WNT10B: variants seen among roughly 807,000 people sequenced by gnomAD.
WNT10B encodes the protein protein Wnt-10b.
Under a neutral mutation model 32.7 loss-of-function variants are expected in WNT10B, and 26 were observed. That is an observed-to-expected ratio of 0.79 (90% CI 0.58 to 1.10). WNT10B has a LOEUF of 1.10. Ranked by LOEUF, WNT10B falls within the 50% of genes least tolerant of loss-of-function variation. The probability of loss-of-function intolerance (pLI) is 0.00; values close to 1 mark genes in which losing one functional copy is unlikely to be tolerated. For synonymous variants in WNT10B, 204 were observed against 220.4 expected (o/e 0.93, Z 0.66); for missense variants, 474 against 532.5 (o/e 0.89, Z 1.08).
chr12:48,970,128 C>A lies in WNT10B; in HGVS notation c.298G>T (p.Gly100Cys). 6.5e-7 allele frequency: 1 copy of A among 1,530,348 alleles called. No individual in the cohort carries two copies. Among genetic ancestry groups the A allele is most frequent in the Non-Finnish European group, 8.8e-7 (1 of 1,141,748 alleles). 94.8% of individuals were successfully genotyped at this position (1,530,348 alleles called of 1,614,324 possible). Reference sequence around the variant, plus strand: ...GCGCTGTGGTGCGGCAGGCGGCCGCCGCCCTCAAGCGCGGAGCAGTTCCAG... The same window carrying A: ...GCGCTGTGGTGCGGCAGGCGGCCGCAGCCCTCAAGCGCGGAGCAGTTCCAG... ...QRWNCSALEGGGRLPHHSAIL... is the reference protein window; with the variant it reads ...QRWNCSALEGCGRLPHHSAIL... Residue 100 changes from glycine to cysteine, a missense_variant, in exon 3 of 5, where the codon GGC (glycine) becomes TGC (cysteine). By Grantham distance (159) the Gly-to-Cys change is radical (BLOSUM62 -3). Coordinates refer to ENST00000301061, the MANE Select transcript of WNT10B (RefSeq NM_003394.4). The surrounding 1 kb of genome is among the most constrained non-coding windows in gnomAD (Gnocchi z 5.0).
intron 1 of WNT10B, 88 bp downstream of exon 1, chr12:48,971,367 G>GTGTC (rs1043077947): frequency 6.6e-5 from 10 of 152,500 alleles, no homozygotes; most frequent in Admixed American, 2.0e-4. Flanking sequence ...GGGTGGATGC[G>GTGTC]TGTCTGTCTG....
intron 4 of WNT10B, among the ~76,000 whole-genome samples, chr12:48,967,376 G>A (rs2137612073): frequency 6.6e-6 from 1 of 152,182 alleles, no homozygotes; most frequent in East Asian, 1.9e-4. Flanking sequence ...ACGTTAGCCA[G>A]GATGGTCTCG....
At chr12:48,968,414 G>C in intron 3 of WNT10B, 95 bp from the exon 4 acceptor site, 1 of 1,552,562 alleles carries the variant, frequency 6.4e-7, no homozygotes, top group East Asian at 2.4e-5. Flanking sequence ...TCCAACTCCA[G>C]AAATTCCTAA....
chr12:48,967,881 T>C (rs1940766908), intron 4 of WNT10B, 65 bp downstream of exon 4: 1 of 1,594,272 alleles, frequency 6.3e-7, no homozygotes, highest in Admixed American at 1.8e-5. Context: ...CATTTCCCTA[T>C]GCCTCTCAAA....
Position 48,970,649 on chromosome 12 carries a change from C to T in WNT10B, c.-40-80G>A, listed in dbSNP as rs1307711771. The T allele has an allele frequency of 2.6e-5, 30 of 1,137,198 alleles. No individual in the cohort carries two copies. Among genetic ancestry groups the T allele is most frequent in the Non-Finnish European group, 3.7e-5 (29 of 781,434 alleles). 70.4% of individuals were successfully genotyped at this position (1,137,198 alleles called of 1,614,324 possible). On this transcript the variant is annotated intron_variant, in intron 1 of 4. Coordinates refer to ENST00000301061, the MANE Select transcript of WNT10B (RefSeq NM_003394.4). The surrounding 1 kb of genome is among the most constrained non-coding windows in gnomAD (Gnocchi z 5.0). ...ACCAAGTGACGCCCTTCTTCGGGCT[C>T]CTAACCCACCGGTGCCACCCTACTG...
At position 48,968,330 on chromosome 12, in the gene WNT10B, G is replaced by A. The variant is rs763143143; in HGVS notation, c.338-11C>T. 1 of 1,600,022 alleles carries A rather than the reference G, an allele frequency of 6.2e-7. No homozygotes were observed. Among genetic ancestry groups the A allele is most frequent in the Non-Finnish European group, 8.5e-7 (1 of 1,179,976 alleles). On this transcript the variant is annotated splice_polypyrimidine_tract_variant and intron_variant, in intron 3 of 4. Transcript: ENST00000301061. ...CACTTTCTCGGAAACCTGGGGATGA[G>A]AAGGGTGTGATGGTGGAGGTAAGGT...
Position 48,968,321 on chromosome 12 carries a change from T to C in WNT10B, c.338-2A>G, listed in dbSNP as rs573392463. On this transcript the variant is annotated splice_acceptor_variant, in intron 3 of 4. Transcript: ENST00000301061. LOFTEE classifies it high-confidence loss of function. ...AGGAAAAAGCACTTTCTCGGAAACC[T>C]GGGGATGAGAAGGGTGTGATGGTGG... The C allele has an allele frequency of 6.2e-7, 1 of 1,600,142 alleles. No individual in the cohort carries two copies. The highest frequency in any genetic ancestry group is 1.1e-5 in the South Asian group (1 of 91,086).
Position 48,970,695 on chromosome 12 carries a change from A to G in WNT10B, c.-40-126T>C. On this transcript the variant is annotated intron_variant, in intron 1 of 4. Coordinates refer to ENST00000301061, the MANE Select transcript of WNT10B (RefSeq NM_003394.4). This position sits in a 1 kb window ranked among gnomAD's most constrained non-coding sequence, Gnocchi z 5.0. ...TACTGACCCTTCTCATTCCTCCTCA[A>G]ACAAAACAAGAAGAAACACCCCTTG... is the stretch of plus-strand genomic sequence containing the variant. The G allele has an allele frequency of 5.8e-6, 4 of 689,918 alleles. No homozygotes were observed. The highest frequency in any genetic ancestry group is 1.8e-5 in the African/African-American group (1 of 55,284). The allele number at this position is 689,918 out of a possible 1,614,324, so 42.7% of individuals were successfully genotyped here.
At chr12:48,968,664 C>G (rs1367109159) in intron 3 of WNT10B, among the ~76,000 whole-genome samples, 1 of 152,106 alleles carries the variant, frequency 6.6e-6, no homozygotes, top group Non-Finnish European at 1.5e-5. Context: ...AAGAGGGAGT[C>G]CCTGAGGTCT....
Position 48,968,397 on chromosome 12 carries a change from G to GC in WNT10B, c.338-79dup, listed in dbSNP as rs1005700520. ...GTGTGGAGGCAGAAAGAAATAAACAGCCCCCCTCCAACTCCAGAAATTCCT... is the reference window on the plus strand; with the variant it reads ...GTGTGGAGGCAGAAAGAAATAAACAGCCCCCCCTCCAACTCCAGAAATTCCT... On this transcript the variant is annotated intron_variant, in intron 3 of 4. Coordinates refer to ENST00000301061, the MANE Select transcript of WNT10B (RefSeq NM_003394.4). 6.3e-6 allele frequency: 10 copies of GC among 1,582,496 alleles called. No individual in the cohort carries two copies. In the East Asian group the frequency reaches 1.6e-4, roughly 25 times the overall value.
At chr12:48,967,884 C>T in intron 4 of WNT10B, 62 bp downstream of exon 4, 1 of 1,597,916 alleles carries the variant, frequency 6.3e-7, no homozygotes, top group Non-Finnish European at 8.5e-7. Context: ...TTCCCTATGC[C>T]TCTCAAACTC....
At chr12:48,969,940 T>C (rs1242015394) in intron 3 of WNT10B, 149 bp downstream of exon 3, 6 of 1,036,626 alleles carry the variant, frequency 5.8e-6, no homozygotes, top group Non-Finnish European at 7.7e-6. Context: ...TGGCCAGACC[T>C]GGCTCAGAGC....
Position 48,966,196 on chromosome 12 carries a change from G to A in WNT10B, c.1069C>T (p.Arg357Trp), listed in dbSNP as rs368571284. ...TGGCAGCGCTCAACTCGTGTCTGCC[G>A]GAGCACGTTGTGCCCACGGCCACAG... Reference protein sequence around the residue: ...LCCGRGHNVLRQTRVERCHCR... With the variant: ...LCCGRGHNVLWQTRVERCHCR... Residue 357 changes from arginine to tryptophan, a missense_variant, in exon 5 of 5, where the codon CGG (arginine) becomes TGG (tryptophan). Transcript: ENST00000301061. The A allele has an allele frequency of 2.5e-5, 41 of 1,613,610 alleles. No individual in the cohort carries two copies. The highest frequency in any genetic ancestry group is 2.4e-4 in the African/African-American group (18 of 74,934).
intron 1 of WNT10B, among the ~76,000 whole-genome samples, 198 bp downstream of exon 1, chr12:48,971,257 C>G (rs1183251741): frequency 6.6e-6 from 1 of 152,232 alleles, no homozygotes; most frequent in Non-Finnish European, 1.5e-5. Context: ...CCCCTTGGCT[C>G]TCACATTCAT....
At position 48,965,522 on chromosome 12, in the gene WNT10B, G is replaced by T. The variant is rs1186667056; in HGVS notation, c.*573C>A. On this transcript the variant is annotated 3_prime_UTR_variant, in exon 5 of 5. Coordinates refer to ENST00000301061, the MANE Select transcript of WNT10B (RefSeq NM_003394.4). ...ATGGAAGGAGACAACTTCCCTAAGG[G>T]CCTGGACAGACAACTCTCTGAGGAT... 2.6e-5 allele frequency: 4 copies of T among 154,104 alleles called. No homozygotes were observed. 9.5% of individuals were successfully genotyped at this position (154,104 alleles called of 1,614,324 possible).
chr12:48,969,118 T>A (rs1940798270), intron 3 of WNT10B: 1 of 470,784 alleles, frequency 2.1e-6, no homozygotes, highest in Admixed American at 2.3e-5. Flanking sequence ...ACCATTTGGG[T>A]GTCCAAGCCT....
In WNT10B at chr12:48,970,140, C is replaced by T. The variant is rs1231942894; in HGVS notation, c.286G>A (p.Ala96Thr). ...GGCAGGCGGCCGCCGCCCTCAAGCG[C>T]GGAGCAGTTCCAGCGCTGGTCGCGC... ...QLRDQRWNCS[A>T]LEGGGRLPHH... is the part of the protein sequence containing the mutation. The change falls in exon 3 of 5, where the codon GCG becomes ACG. Residue 96 changes from alanine (A) to threonine (T), a missense_variant. Physicochemically the swap from Ala to Thr is moderately conservative, Grantham distance 58. Coordinates refer to ENST00000301061, the MANE Select transcript of WNT10B (RefSeq NM_003394.4). The surrounding 1 kb of genome is among the most constrained non-coding windows in gnomAD (Gnocchi z 5.0). The T allele has an allele frequency of 3.9e-6, 6 of 1,536,080 alleles. No homozygotes were observed. Among genetic ancestry groups the T allele is most frequent in the Non-Finnish European group, 5.2e-6 (6 of 1,144,540 alleles).
At chr12:48,968,634 C>CT (rs1353946964) in intron 3 of WNT10B, among the ~76,000 whole-genome samples, 1 of 152,028 alleles carries the variant, frequency 6.6e-6, no homozygotes. Flanking sequence ...GGGAGAGACC[C>CT]CTGGAGTCGG....
At position 48,970,380 on chromosome 12, in the gene WNT10B, G is replaced by A. The variant is rs371837779; in HGVS notation, c.75-29C>T. ...GGAACCAAGAAGGCGTCTGGGGTCT[G>A]CGGTCCAGACCCCTCCAACTCTCCC... On this transcript the variant is annotated intron_variant, in intron 2 of 4. Coordinates refer to ENST00000301061, the MANE Select transcript of WNT10B (RefSeq NM_003394.4). This position sits in a 1 kb window ranked among gnomAD's most constrained non-coding sequence, Gnocchi z 5.0. 4 of 1,613,942 alleles carry A rather than the reference G, an allele frequency of 2.5e-6. No individual in the cohort carries two copies. The highest frequency in any genetic ancestry group is 2.2e-5 in the South Asian group (2 of 91,068).
Sources: allele counts gnomAD v4.1 joint callset (sites outside exome capture counted in the v4.1 genomes callset), GRCh38; gene constraint gnomAD v4.1.1; non-coding constraint Gnocchi (gnomAD v3.1); transcripts MANE v1.5; gene names NCBI Gene and HGNC (gene_info 2026-07-23, HGNC 2026-07-21).